Variants in ANKEF1 observed in about 807,000 individuals in gnomAD.
The protein encoded by ANKEF1 is ankyrin repeat and EF-hand domain containing 1, also known as ankyrin repeat and EF-hand domain-containing protein 1.
In ANKEF1, 43 loss-of-function variants were observed where a neutral mutation model predicts 65.1. That is an observed-to-expected ratio of 0.66 (90% CI 0.52 to 0.85). The LOEUF (loss-of-function observed/expected upper bound fraction) is 0.85. Among genes scored for constraint, ANKEF1 ranks in the 40% least tolerant of loss-of-function variants. The probability of loss-of-function intolerance (pLI) is 0.00; values close to 1 mark genes in which losing one functional copy is unlikely to be tolerated. For missense variants in ANKEF1, 934 were observed against 952.9 expected (o/e 0.98, Z 0.26); for synonymous variants, 316 against 341.5 (o/e 0.93, Z 0.82).
In ANKEF1 at chr20:10,049,822, A is replaced by C; in HGVS notation, c.1253A>C (p.Lys418Thr). 2.5e-6 allele frequency: 4 copies of C among 1,614,192 alleles called. No homozygotes were observed. Among genetic ancestry groups the C allele is most frequent in the Non-Finnish European group, 3.4e-6 (4 of 1,180,024 alleles). Residue 418 changes from lysine to threonine, a missense_variant, in exon 7 of 11, where the codon AAA becomes ACA. Physicochemically the swap from Lys to Thr is moderately conservative, Grantham distance 78 (BLOSUM62 -1). Transcript: ENST00000378392. ...TCGTATGGACCTAAGAAAAAGGAAA[A>C]AGGGATGGGCAAAAAAGGAAAGAAA... ...LGSYGPKKKE[K>T]GMGKKGKKGK...
intron 3 of ANKEF1, chr20:10,040,663 A>T (rs763221771): frequency 6.6e-6 from 1 of 152,194 alleles, no homozygotes; most frequent in Non-Finnish European, 1.5e-5. Context: ...TGCCAGTTCT[A>T]TGATAAGGTA....
intron 2 of ANKEF1, among the ~76,000 whole-genome samples, chr20:10,037,128 A>G (rs60127453): frequency 0.063 from 9,606 of 152,234 alleles, 744 homozygotes; most frequent in African/African-American, 0.19. Flanking sequence ...CAACTTTTGT[A>G]GTAAGATGGA....
Position 10,049,649 on chromosome 20 carries a change from G to A in ANKEF1, c.1080G>A (p.Val360=), listed in dbSNP as rs1158477152. The change falls in exon 7 of 11, where the codon GTG becomes GTA. Residue 360 remains valine, a synonymous_variant. Coordinates refer to ENST00000378392, the MANE Select transcript of ANKEF1 (RefSeq NM_022096.6). ...GDGSISKNDF[V]MVLEERQDYA... ...GAAGCATCAGCAAGAACGACTTCGT[G>A]ATGGTGTTGGAGGAAAGGCAGGATT... 2 of 1,614,020 alleles carry A rather than the reference G, an allele frequency of 1.2e-6. No individual in the cohort carries two copies. Among genetic ancestry groups the A allele is most frequent in the Non-Finnish European group, 8.5e-7 (1 of 1,180,024 alleles).
At position 10,050,257 on chromosome 20, in the gene ANKEF1, A is replaced by T. The variant is rs1024611532; in HGVS notation, c.1643+45A>T. On this transcript the variant is annotated intron_variant, in intron 7 of 10. Coordinates refer to ENST00000378392, the MANE Select transcript of ANKEF1 (RefSeq NM_022096.6). The stretch of plus-strand genomic sequence containing the variant: ...GTGGCCTAAATTTTCACGAGTCTTC[A>T]CATTTCAAGGAAGTGAAAAGATGAC... 4.1e-6 allele frequency: 6 copies of T among 1,472,484 alleles called. No individual in the cohort carries two copies. The East Asian group carries it at 6.9e-5, about 17-fold the overall frequency. The allele number at this position is 1,472,484 out of a possible 1,614,324, so 91.2% of individuals were successfully genotyped here. A position where few individuals can be genotyped will look rare whatever the true frequency, so the allele number is the denominator to read the frequency against.
At chr20:10,041,918 T>G (rs1984216055) in intron 3 of ANKEF1, among the ~76,000 whole-genome samples, 1 of 152,206 alleles carries the variant, frequency 6.6e-6, no homozygotes, top group Non-Finnish European at 1.5e-5. Context: ...ATGAACAAAG[T>G]CTTGATTGGG....
Position 10,049,703 on chromosome 20 carries a change from C to G in ANKEF1, c.1134C>G (p.Ile378Met), listed in dbSNP as rs773933031. ...CAAGCTCAGAACAGCTGGCTGCCAT[C>G]GCTCACCTTCATGAGAAAACCCGGG... is the stretch of plus-strand genomic sequence containing the variant. ...DYASSEQLAA[I>M]AHLHEKTRGG... Residue 378 changes from isoleucine (I) to methionine (M), a missense_variant, in exon 7 of 11, where the codon ATC becomes ATG. Physicochemically the swap from Ile to Met is conservative, Grantham distance 10. Coordinates refer to ENST00000378392, the MANE Select transcript of ANKEF1 (RefSeq NM_022096.6). The G allele has an allele frequency of 6.2e-7, 1 of 1,613,994 alleles. No homozygotes were observed. The highest frequency in any genetic ancestry group is 1.3e-5 in the African/African-American group (1 of 74,900).
chr20:10,053,199 C>G lies in ANKEF1; in HGVS notation c.1958C>G (p.Pro653Arg), dbSNP rs756037001. Residue 653 changes from proline (P) to arginine (R), a missense_variant, in exon 9 of 11, where the codon CCA (proline) becomes CGA (arginine). Transcript: ENST00000378392. ...IKEKLDNLPKPAENQKLKGKT... is the reference protein window; with the variant it reads ...IKEKLDNLPKRAENQKLKGKT... ...GAAAAGCTAGATAACTTGCCGAAAC[C>G]AGCAGAAAATCAAAAACTAAAAGGC... The G allele has an allele frequency of 4.3e-6, 7 of 1,613,602 alleles. No individual in the cohort carries two copies. Among genetic ancestry groups the G allele is most frequent in the Middle Eastern group, 1.7e-4 (1 of 6,056 alleles).
chr20:10,039,330 A>G (rs1984043201), intron 3 of ANKEF1, among the ~76,000 whole-genome samples: 3 of 152,342 alleles, frequency 2.0e-5, no homozygotes, highest in Admixed American at 2.0e-4. Flanking sequence ...CATAAAAATA[A>G]CTGAGATAAT....
rs1450077302 is a variant in ANKEF1, at chr20:10,043,845, T to C, written c.546+524T>C. On this transcript the variant is annotated intron_variant, in intron 4 of 10. Transcript: ENST00000378392. ...CGCTAATTATTTTTTGTATTTTTAG[T>C]AGAGACAGGGTTTTACCATGTTGGC... is the stretch of plus-strand genomic sequence containing the variant. Among the ~76,000 whole-genome samples, 6 of 151,860 alleles carry C rather than the reference T, an allele frequency of 4.0e-5. No individual in the cohort carries two copies. In the East Asian group the frequency reaches 1.2e-3, roughly 29 times the overall value.
intron 2 of ANKEF1, among the ~76,000 whole-genome samples, chr20:10,037,444 T>C (rs1387008575): frequency 6.6e-6 from 1 of 152,206 alleles, no homozygotes; most frequent in Non-Finnish European, 1.5e-5. Context: ...TATGCACATA[T>C]GCTTGAGCTT....
At chr20:10,040,951 AAT>A (rs1984149926) in intron 3 of ANKEF1, among the ~76,000 whole-genome samples, 1 of 146,950 alleles carries the variant, frequency 6.8e-6, no homozygotes, top group Admixed American at 6.8e-5. Context: ...TAACCTTGAC[AAT>A]CTTTTCTTTT....
rs1257667941 is a variant in ANKEF1 at position 10,050,154 on chromosome 20, C to G, written c.1585C>G (p.Leu529Val). ...GAAGGATAATTATTACAAAACTCCG[C>G]TAATGACGGCGTGTGCAAGTGGAAA... ...DMKDNYYKTP[L>V]MTACASGNID... is the part of the protein sequence containing the mutation. Residue 529 changes from leucine to valine, a missense_variant, in exon 7 of 11, where the codon CTA becomes GTA. Coordinates refer to ENST00000378392, the MANE Select transcript of ANKEF1 (RefSeq NM_022096.6). The G allele has an allele frequency of 1.9e-6, 3 of 1,614,122 alleles. No individual in the cohort carries two copies. The South Asian group carries it at 3.3e-5, about 18-fold the overall frequency.
intron 6 of ANKEF1, among the ~76,000 whole-genome samples, chr20:10,046,098 G>A (rs1011324483): frequency 6.6e-5 from 10 of 151,904 alleles, no homozygotes; most frequent in South Asian, 2.1e-4. Context: ...AGGCAAAACC[G>A]CGCCTCTACT....
rs1984316769 is a variant in ANKEF1, at chr20:10,043,423, T to A, written c.546+102T>A. ...GACATTATCCTGTTAGCTGATAGAC[T>A]GTTCATTTTGATTCAAAATGCTTGA... On this transcript the variant is annotated intron_variant, in intron 4 of 10. Coordinates refer to ENST00000378392, the MANE Select transcript of ANKEF1 (RefSeq NM_022096.6). The A allele has an allele frequency of 1.5e-5, 16 of 1,082,010 alleles. No homozygotes were observed. In the South Asian group the frequency reaches 2.1e-4, roughly 14 times the overall value. The allele number at this position is 1,082,010 out of a possible 1,614,324, so 67.0% of individuals were successfully genotyped here.
chr20:10,038,762 G>T, intron 3 of ANKEF1, 115 bp downstream of exon 3: 1 of 820,908 alleles, frequency 1.2e-6, no homozygotes, highest in South Asian at 2.0e-5. Flanking sequence ...TGGTTTTAAG[G>T]GAAAGGCTAA....
chr20:10,039,125 G>C (rs1436189609), intron 3 of ANKEF1, among the ~76,000 whole-genome samples: 1 of 152,130 alleles, frequency 6.6e-6, no homozygotes, highest in East Asian at 1.9e-4. Context: ...GTCAATTCTG[G>C]CATAAACTCC....
Position 10,051,786 on chromosome 20 carries a change from C to G in ANKEF1, c.1767C>G (p.Ile589Met). ...ESGALIDAASINNSTPLNRAI... is the reference protein window; with the variant it reads ...ESGALIDAASMNNSTPLNRAI... ...GAGCTTTAATAGATGCAGCTTCAAT[C>G]AACAACTCAACTCCTTTAAATAGAG... Residue 589 changes from isoleucine to methionine, a missense_variant, in exon 8 of 11, where the codon ATC becomes ATG. Coordinates refer to ENST00000378392, the MANE Select transcript of ANKEF1 (RefSeq NM_022096.6). 1 of 1,613,646 alleles carries G rather than the reference C, an allele frequency of 6.2e-7. No homozygotes were observed. Among genetic ancestry groups the G allele is most frequent in the Non-Finnish European group, 8.5e-7 (1 of 1,179,778 alleles).
chr20:10,035,723 C>CCT (rs1983800899), intron 2 of ANKEF1, 81 bp downstream of exon 2: 1 of 152,142 alleles, frequency 6.6e-6, no homozygotes, highest in Non-Finnish European at 1.5e-5. Flanking sequence ...ACGGATTTCC[C>CCT]CACCTCAAAC....
At chr20:10,044,218 C>T (rs1250526619) in intron 4 of ANKEF1, among the ~76,000 whole-genome samples, 176 bp from the exon 5 acceptor site, 1 of 152,126 alleles carries the variant, frequency 6.6e-6, no homozygotes, top group African/African-American at 2.4e-5. Flanking sequence ...TGGATACTGA[C>T]CCATTGTACT....
Sources: gnomAD v4.1 joint callset for allele counts (sites outside exome capture counted in the v4.1 genomes callset) on GRCh38, gnomAD v4.1.1 for gene constraint, MANE v1.5 for transcripts, NCBI Gene and HGNC (gene_info 2026-07-23, HGNC 2026-07-21) for gene names.